MYH16: variants seen among roughly 807,000 people sequenced by gnomAD.
The protein encoded by MYH16 is putative uncharacterized protein MYH16.
chr7:99,303,557 T>C (rs1321723688), intron 39 of MYH16, among the ~76,000 whole-genome samples: 2 of 152,104 alleles, frequency 1.3e-5, no homozygotes, highest in Non-Finnish European at 1.5e-5. Context: ...TCCCAGCACT[T>C]TGGGAGGCCA....
chr7:99,270,320 A>AC (rs1792032050), intron 18 of MYH16, among the ~76,000 whole-genome samples: 1 of 149,008 alleles, frequency 6.7e-6, no homozygotes, highest in African/African-American at 2.5e-5. Context: ...CTCAGAAAAA[A>AC]AAATTTTTTT....
chr7:99,293,923 G>A (rs1792430903), intron 32 of MYH16, 95 bp from the exon 14 acceptor site: 2 of 364,448 alleles, frequency 5.5e-6, no homozygotes, highest in South Asian at 2.1e-5. Context: ...CCAGAGCTTA[G>A]TACCATGCCC....
chr7:99,241,469 G>T (rs935063522), intron 1 of MYH16, among the ~76,000 whole-genome samples: 1 of 152,160 alleles, frequency 6.6e-6, no homozygotes, highest in Admixed American at 6.5e-5. Context: ...TGTAATCCCA[G>T]TTACTTGGGA....
At chr7:99,302,629 C>T (rs1238619534) in intron 38 of MYH16, among the ~76,000 whole-genome samples, 1 of 151,858 alleles carries the variant, frequency 6.6e-6, no homozygotes, top group African/African-American at 2.4e-5. Context: ...GTCTGTAATC[C>T]CAGCACTATG....
intron 17 of MYH16, among the ~76,000 whole-genome samples, chr7:99,266,243 A>G (rs1584345442): frequency 6.6e-6 from 1 of 152,270 alleles, no homozygotes; most frequent in East Asian, 1.9e-4. Context: ...AACTGCCCCC[A>G]TAACGTGCCT....
At chr7:99,288,678 A>T (rs1416223087) in intron 29 of MYH16, among the ~76,000 whole-genome samples, 1 of 152,150 alleles carries the variant, frequency 6.6e-6, no homozygotes, top group African/African-American at 2.4e-5. Context: ...ACAGAGCAAG[A>T]CTCTGTCTCA....
chr7:99,248,423 G>T (rs1791759593), intron 3 of MYH16, among the ~76,000 whole-genome samples: 1 of 151,840 alleles, frequency 6.6e-6, no homozygotes, highest in Admixed American at 6.6e-5. Flanking sequence ...TTTAAGAGAT[G>T]GGTTCTTTGT....
At chr7:99,279,049 C>T (rs909747512) in intron 21 of MYH16, among the ~76,000 whole-genome samples, 3 of 151,924 alleles carry the variant, frequency 2.0e-5, no homozygotes, top group African/African-American at 4.8e-5. Flanking sequence ...AAAAATTAGC[C>T]GGGTGTGGTG....
chr7:99,294,243 A>G, intron 33 of MYH16, 93 bp downstream of exon 14: 1 of 370,906 alleles, frequency 2.7e-6, no homozygotes, highest in Non-Finnish European at 5.3e-6. Context: ...TGGGGTCATC[A>G]GGAAGAAACA....
At chr7:99,239,213 C>T (rs1791633468) in intron 1 of MYH16, among the ~76,000 whole-genome samples, 1 of 152,216 alleles carries the variant, frequency 6.6e-6, no homozygotes, top group Non-Finnish European at 1.5e-5. Flanking sequence ...GGGCAAGACG[C>T]ATTCCCTCTC....
At position 99,289,381 on chromosome 7, in the gene MYH16, A is replaced by G. The variant is rs879863872; in HGVS notation, n.3801A>G. 9.0e-6 allele frequency: 4 copies of G among 445,788 alleles called. No individual in the cohort carries two copies. The Admixed American group carries it at 9.8e-5, about 11-fold the overall frequency. 27.6% of individuals were successfully genotyped at this position (445,788 alleles called of 1,614,324 possible). A position where few individuals can be genotyped will look rare whatever the true frequency, so the allele number is the denominator to read the frequency against. On this transcript the variant is annotated non_coding_transcript_exon_variant, in exon 30 of 42. Transcript: ENST00000439784. ...CTAGAGCGAAACCAAGCAGAAATCA[A>G]TGCCATCAGGACCCGCCTCCAAGGT...
intron 33 of MYH16, among the ~76,000 whole-genome samples, chr7:99,296,006 G>A (rs1209699945): frequency 6.6e-6 from 1 of 151,622 alleles, no homozygotes; most frequent in Non-Finnish European, 1.5e-5. Flanking sequence ...GCCGGACGTG[G>A]TGGCGCACGC....
At chr7:99,283,192 G>A (rs1410525411) in intron 23 of MYH16, among the ~76,000 whole-genome samples, 1 of 151,920 alleles carries the variant, frequency 6.6e-6, no homozygotes, top group African/African-American at 2.4e-5. Context: ...CCAACCTCCT[G>A]GGCTCGTGAT....
intron 19 of MYH16, among the ~76,000 whole-genome samples, chr7:99,272,862 C>T (rs183145419): frequency 6.6e-5 from 10 of 152,272 alleles, no homozygotes; most frequent in African/African-American, 1.7e-4. Flanking sequence ...CAGCCCTGGA[C>T]TGAAGGCAGG....
chr7:99,277,084 C>A (rs566044141), intron 20 of MYH16, among the ~76,000 whole-genome samples: 7 of 150,598 alleles, frequency 4.6e-5, no homozygotes, highest in Non-Finnish European at 8.9e-5. Flanking sequence ...AAACAGTGGG[C>A]GAGTGAGAGA....
At chr7:99,261,097 G>C (rs1251240005) in intron 12 of MYH16, 2 of 151,766 alleles carry the variant, frequency 1.3e-5, no homozygotes, top group East Asian at 3.9e-4. Flanking sequence ...AAAAAAAAAA[G>C]CAGAGAGCAC....
chr7:99,296,818 T>G (rs1584358547), exon 34 of MYH16: 1 of 455,960 alleles, frequency 2.2e-6, no homozygotes, highest in African/African-American at 2.0e-5. Context: ...GCAGAAGGAG[T>G]GCCGCATGTA....
intron 18 of MYH16, chr7:99,267,006 A>G (rs1042026327): frequency 1.3e-5 from 2 of 152,398 alleles, no homozygotes; most frequent in Non-Finnish European, 2.9e-5. Flanking sequence ...CCCCCTACAC[A>G]CCCCCTCAGC....
At chr7:99,243,817 TCATC>T (rs1791697215) in intron 2 of MYH16, among the ~76,000 whole-genome samples, 1 of 137,352 alleles carries the variant, frequency 7.3e-6, no homozygotes, top group Admixed American at 7.1e-5. Flanking sequence ...ATCCATCCAT[TCATC>T]CATCTATCCA....
Sources: gnomAD v4.1 joint callset for allele counts (sites outside exome capture counted in the v4.1 genomes callset) on GRCh38, gnomAD v4.1.1 for gene constraint, MANE v1.5 for transcripts, NCBI Gene and HGNC (gene_info 2026-07-23, HGNC 2026-07-21) for gene names.